Variants in NCAM1 observed in about 807,000 individuals in gnomAD.
NCAM1 encodes the protein neural cell adhesion molecule 1, also known as antigen recognized by monoclonal antibody 5.1H11.
In NCAM1, 14 loss-of-function variants were observed where a neutral mutation model predicts 109.8. The observed-to-expected ratio is 0.13, with a 90% CI of 0.08 to 0.20. NCAM1 has a LOEUF of 0.20. Among genes scored for constraint, NCAM1 ranks in the 10% least tolerant of loss-of-function variants. NCAM1 has a pLI of 1.00. For synonymous variants in NCAM1, 418 were observed against 442.9 expected, an observed-to-expected ratio of 0.94 and a Z score of 0.70; for missense variants, 774 against 1,109.9, an observed-to-expected ratio of 0.70 and a Z score of 4.30.
chr11:113,018,635 A>G (rs17114687), intron 1 of NCAM1, among the ~76,000 whole-genome samples: 20,577 of 152,120 alleles, frequency 0.14, 1,432 homozygotes, highest in African/African-American at 0.15. Context: ...CCACTGCATA[A>G]TAAACTTGAA....
chr11:113,040,376 A>G (rs1394034168), intron 1 of NCAM1, among the ~76,000 whole-genome samples: 3 of 152,290 alleles, frequency 2.0e-5, no homozygotes, highest in Admixed American at 2.0e-4. Flanking sequence ...AAACAGGTAA[A>G]GGAACAATTG....
intron 1 of NCAM1, among the ~76,000 whole-genome samples, chr11:113,043,702 T>G (rs1381366930): frequency 6.6e-6 from 1 of 152,152 alleles, no homozygotes; most frequent in Admixed American, 6.5e-5. Context: ...TTCTGTTCTC[T>G]CTCCAGCTGG....
At chr11:113,035,106 A>G (rs1420779391) in intron 1 of NCAM1, among the ~76,000 whole-genome samples, 4 of 152,216 alleles carry the variant, frequency 2.6e-5, no homozygotes, top group Non-Finnish European at 5.9e-5. Flanking sequence ...AAAAATAACT[A>G]AGCACTGAGT....
chr11:113,111,904 A>G (rs1166387131), intron 1 of NCAM1, among the ~76,000 whole-genome samples: 3 of 152,214 alleles, frequency 2.0e-5, no homozygotes, highest in Non-Finnish European at 2.9e-5. Flanking sequence ...CGTATTCATT[A>G]TTCAAATTAG....
chr11:113,088,532 A>T (rs979261366), intron 1 of NCAM1, among the ~76,000 whole-genome samples: 1 of 62,276 alleles, frequency 1.6e-5, no homozygotes, highest in Non-Finnish European at 3.3e-5. Context: ...ACCATTTGAT[A>T]TGGCATAGCG....
Position 113,273,877 on chromosome 11 carries a change from C to T in NCAM1, c.2457-1390C>T. On this transcript the variant is annotated intron_variant, in intron 19 of 19. Coordinates refer to ENST00000316851, the MANE Select transcript of NCAM1 (RefSeq NM_181351.5). This position sits in a 1 kb window ranked among gnomAD's most constrained non-coding sequence, Gnocchi z 6.0. ...GGGCTTCTCTGAGGCGACCGTCAAC[C>T]AAGGGGCTGGGATAAGGCAGAGAGA... is the stretch of plus-strand genomic sequence containing the variant. 1 of 214,710 alleles carries T rather than the reference C, an allele frequency of 4.7e-6. No homozygotes were observed. Among genetic ancestry groups the T allele is most frequent in the Non-Finnish European group, 1.0e-5 (1 of 99,836 alleles). 13.3% of individuals were successfully genotyped at this position (214,710 alleles called of 1,614,324 possible). A position where few individuals can be genotyped will look rare whatever the true frequency, so the allele number is the denominator to read the frequency against.
chr11:113,204,185 C>A, intron 2 of NCAM1, 101 bp from the exon 3 acceptor site: 1 of 953,392 alleles, frequency 1.0e-6, no homozygotes, highest in Non-Finnish European at 1.6e-6. Context: ...CTTGACTGAT[C>A]TGTTGTTCAG....
intron 1 of NCAM1, among the ~76,000 whole-genome samples, chr11:113,091,742 GCC>G: frequency 6.6e-6 from 1 of 152,274 alleles, no homozygotes; most frequent in East Asian, 1.9e-4. Context: ...AGGGCTTATA[GCC>G]CCACTTCATG....
chr11:113,263,440 G>A (rs1946062371), intron 17 of NCAM1: 9 of 986,254 alleles, frequency 9.1e-6, no homozygotes, highest in Admixed American at 6.1e-5. Context: ...GAGCCAGACC[G>A]CACTGATTCA....
chr11:112,998,253 A>G (rs1951651653), intron 1 of NCAM1, among the ~76,000 whole-genome samples: 2 of 152,126 alleles, frequency 1.3e-5, no homozygotes, highest in African/African-American at 2.4e-5. Flanking sequence ...TTGCAGAGTA[A>G]TTTCTACTGA....
At chr11:113,270,726 G>A (rs1946247894) in intron 18 of NCAM1, among the ~76,000 whole-genome samples, 1 of 152,194 alleles carries the variant, frequency 6.6e-6, no homozygotes, top group Admixed American at 6.5e-5. Flanking sequence ...GGCAGCATTA[G>A]AGGGACACAC....
At chr11:113,186,895 CAT>C (rs1565486539) in intron 1 of NCAM1, among the ~76,000 whole-genome samples, 2 of 152,222 alleles carry the variant, frequency 1.3e-5, no homozygotes, top group African/African-American at 4.8e-5. Context: ...ACAGAATTAG[CAT>C]AGAGGGTGGC....
intron 9 of NCAM1, among the ~76,000 whole-genome samples, chr11:113,226,763 A>G (rs1020571854): frequency 1.3e-5 from 2 of 152,246 alleles, no homozygotes; most frequent in African/African-American, 4.8e-5. Context: ...ACTAGAACTC[A>G]AGATTAAGAA....
intron 1 of NCAM1, among the ~76,000 whole-genome samples, chr11:113,201,566 T>A (rs1354370955): frequency 6.6e-6 from 1 of 152,222 alleles, no homozygotes; most frequent in Non-Finnish European, 1.5e-5. Flanking sequence ...TCCCAGCAGA[T>A]AAACGAGGAG....
chr11:112,965,122 G>A (rs1950697051), intron 1 of NCAM1, among the ~76,000 whole-genome samples: 1 of 151,642 alleles, frequency 6.6e-6, no homozygotes, highest in South Asian at 2.1e-4. Context: ...ACATATTCTT[G>A]TTTAGTAAAG....
intron 1 of NCAM1, among the ~76,000 whole-genome samples, chr11:112,967,610 C>T (rs1555065828): frequency 6.6e-6 from 1 of 152,164 alleles, no homozygotes; most frequent in African/African-American, 2.4e-5. Flanking sequence ...GACTTCAGTG[C>T]ATGTAGGCAG....
chr11:113,199,832 A>G (rs1300811750), intron 1 of NCAM1, among the ~76,000 whole-genome samples: 12 of 148,510 alleles, frequency 8.1e-5, no homozygotes, highest in South Asian at 4.3e-4. Context: ...ACACCCTTAA[A>G]AAAAAAAAAA....
chr11:112,963,632 G>C lies in NCAM1; in HGVS notation c.52+1968G>C, dbSNP rs1483797586. Among the ~76,000 whole-genome samples the C allele has an allele frequency of 6.6e-6, 1 of 152,192 alleles. No individual in the cohort carries two copies. Among genetic ancestry groups the C allele is most frequent in the African/African-American group, 2.4e-5 (1 of 41,454 alleles). On this transcript the variant is annotated intron_variant, in intron 1 of 19. Coordinates refer to ENST00000316851, the MANE Select transcript of NCAM1 (RefSeq NM_181351.5). This position sits in a 1 kb window ranked among gnomAD's most constrained non-coding sequence, Gnocchi z 4.6. ...TTTCCGCGGTGCCCGTGGGTGCCGC[G>C]ACGCGACCTGTCCACATGGGGCGGG... is the stretch of plus-strand genomic sequence containing the variant.
intron 1 of NCAM1, among the ~76,000 whole-genome samples, chr11:113,110,792 T>C (rs1422863498): frequency 4.6e-5 from 7 of 152,222 alleles, no homozygotes; most frequent in Admixed American, 3.3e-4. Context: ...TCCATGCCCC[T>C]GACATCACTT....
Sources: allele counts gnomAD v4.1 joint callset (sites outside exome capture counted in the v4.1 genomes callset), GRCh38; gene constraint gnomAD v4.1.1; non-coding constraint Gnocchi (gnomAD v3.1); transcripts MANE v1.5; gene names NCBI Gene and HGNC (gene_info 2026-07-23, HGNC 2026-07-21).